GNA14: variants seen among roughly 807,000 people sequenced by gnomAD.
GNA14 encodes the protein G protein subunit alpha 14.
GNA14 carries 50 observed loss-of-function variants against 42.0 expected under a neutral mutation model. The ratio of observed to expected loss-of-function variants is 1.19; its 90% CI spans 0.95 to 1.51. The LOEUF (loss-of-function observed/expected upper bound fraction) is 1.51, where lower values mean the gene tolerates loss of function less well. Among genes scored for constraint, GNA14 ranks in the 40% most tolerant of loss-of-function variants. The probability of loss-of-function intolerance (pLI) is 0.00; values close to 1 mark genes in which losing one functional copy is unlikely to be tolerated. For synonymous variants in GNA14, 173 were observed against 163.1 expected (o/e 1.06, Z -0.46); for missense variants, 473 against 446.2 (o/e 1.06, Z -0.54).
In GNA14 at chr9:77,475,668, G is replaced by A. The variant is rs549402532; in HGVS notation, c.310-41146C>T. The stretch of plus-strand genomic sequence containing the variant: ...ACCACTCCTCTTCGTTCTTTCTAGA[G>A]CATCCTCCCAGGGAAAGATCAGGTT... On this transcript the variant is annotated intron_variant, in intron 2 of 6. Transcript: ENST00000341700. 2.4e-4 allele frequency among the ~76,000 whole-genome samples: 37 copies of A among 152,284 alleles called. No homozygotes were observed. The East Asian group carries it at 5.2e-3, about 21-fold the overall frequency.
At chr9:77,643,070 T>A (rs892750476) in intron 1 of GNA14, among the ~76,000 whole-genome samples, 1 of 152,218 alleles carries the variant, frequency 6.6e-6, no homozygotes, top group Admixed American at 6.5e-5. Flanking sequence ...ATCTTCCTCA[T>A]AACAGCTATT....
intron 2 of GNA14, among the ~76,000 whole-genome samples, chr9:77,511,655 G>A (rs1261710768): frequency 1.3e-5 from 2 of 152,206 alleles, no homozygotes; most frequent in African/African-American, 4.8e-5. Flanking sequence ...CAGACCACAC[G>A]CCCTCACAGC....
Position 77,586,975 on chromosome 9 carries a change from GGT to G in GNA14, c.125-57724_125-57723del, listed in dbSNP as rs1491100812. Reference sequence around the variant, plus strand: ...TGTCTGCAGCTCGATTTTACAGGCTGGTTTTTTTTTTTTTTTTAATAGAAAAT... The same window carrying G: ...TGTCTGCAGCTCGATTTTACAGGCTGTTTTTTTTTTTTTTTAATAGAAAAT... On this transcript the variant is annotated intron_variant, in intron 1 of 6. Transcript: ENST00000341700. Among the ~76,000 whole-genome samples, 36 of 106,072 alleles carry G rather than the reference GGT, an allele frequency of 3.4e-4. No individual in the cohort carries two copies. In the South Asian group the frequency reaches 7.3e-3, roughly 22 times the overall value. The allele number at this position is 106,072 out of a possible 152,430, so 69.6% of individuals were successfully genotyped here.
At chr9:77,563,760 A>G (rs1323166360) in intron 1 of GNA14, among the ~76,000 whole-genome samples, 1 of 152,208 alleles carries the variant, frequency 6.6e-6, no homozygotes, top group African/African-American at 2.4e-5. Context: ...AAATGGTAAC[A>G]ATGAACCCAA....
intron 2 of GNA14, among the ~76,000 whole-genome samples, chr9:77,502,762 G>A (rs1836996783): frequency 6.6e-6 from 1 of 152,164 alleles, no homozygotes; most frequent in East Asian, 1.9e-4. Context: ...GAGAGTGGGA[G>A]GCTAGACTTC....
At chr9:77,473,025 C>T (rs1426691599) in intron 2 of GNA14, among the ~76,000 whole-genome samples, 1 of 152,208 alleles carries the variant, frequency 6.6e-6, no homozygotes, top group Non-Finnish European at 1.5e-5. Flanking sequence ...TAGTAATCAA[C>T]ATTCCAAAAA....
chr9:77,572,249 G>T (rs1411226003), intron 1 of GNA14, among the ~76,000 whole-genome samples: 2 of 152,112 alleles, frequency 1.3e-5, no homozygotes, highest in African/African-American at 2.4e-5. Flanking sequence ...TCCAAGAAAA[G>T]ATCTAAGGAA....
rs966776149 is a variant in GNA14, at chr9:77,485,191, T to A, written c.309+43878A>T. On this transcript the variant is annotated intron_variant, in intron 2 of 6. Transcript: ENST00000341700. ...GCCACTATTTTATCAACTAAACTTA[T>A]ATAATACTCTAAATCTTTTGTTGTC... Among the ~76,000 whole-genome samples, 4 of 152,356 alleles carry A rather than the reference T, an allele frequency of 2.6e-5. No homozygotes were observed. In the East Asian group the frequency reaches 7.7e-4, roughly 29 times the overall value.
At chr9:77,470,936 T>C (rs563408549) in intron 2 of GNA14, among the ~76,000 whole-genome samples, 20 of 152,294 alleles carry the variant, frequency 1.3e-4, no homozygotes, top group African/African-American at 4.6e-4. Context: ...GGGGGAAATC[T>C]GCCCCCATGA....
At chr9:77,429,462 C>T (rs1027788170) in intron 4 of GNA14, among the ~76,000 whole-genome samples, 3 of 152,226 alleles carry the variant, frequency 2.0e-5, no homozygotes, top group Non-Finnish European at 4.4e-5. Context: ...GTTTTTGTGG[C>T]TCCTCTAACT....
intron 2 of GNA14, chr9:77,517,459 AAG>A (rs952650836): frequency 1.5e-4 from 23 of 152,218 alleles, no homozygotes; most frequent in African/African-American, 5.1e-4. Flanking sequence ...AGTGCCAAAA[AAG>A]AGGTATCATC....
chr9:77,503,832 A>T (rs1009158194), intron 2 of GNA14, among the ~76,000 whole-genome samples: 1 of 151,832 alleles, frequency 6.6e-6, no homozygotes, highest in Non-Finnish European at 1.5e-5. Flanking sequence ...TATTTTCACT[A>T]GAAACGGGGT....
intron 1 of GNA14, chr9:77,580,738 T>C (rs1027097423): frequency 2.7e-5 from 6 of 218,270 alleles, no homozygotes; most frequent in Admixed American, 1.1e-4. Context: ...AGGGCCACGA[T>C]GGGAGTGTGC....
chr9:77,454,302 T>C lies in GNA14; in HGVS notation c.310-19780A>G, dbSNP rs1459033800. Among the ~76,000 whole-genome samples, 8 of 152,356 alleles carry C rather than the reference T, an allele frequency of 5.3e-5. No homozygotes were observed. The East Asian group carries it at 1.5e-3, about 29-fold the overall frequency. ...GATTCTACCCCTAAACTTGTCAGTC[T>C]GATCTACTTCTGTGAACCCCCTTTG... On this transcript the variant is annotated intron_variant, in intron 2 of 6. Coordinates refer to ENST00000341700, the MANE Select transcript of GNA14 (RefSeq NM_004297.4).
intron 1 of GNA14, among the ~76,000 whole-genome samples, chr9:77,545,690 G>T (rs1837710540): frequency 6.6e-6 from 1 of 152,140 alleles, no homozygotes; most frequent in African/African-American, 2.4e-5. Context: ...CCTGGTCAGA[G>T]TGTCCAACTC....
chr9:77,597,370 C>G (rs550475958), intron 1 of GNA14, among the ~76,000 whole-genome samples: 2 of 152,004 alleles, frequency 1.3e-5, no homozygotes, highest in South Asian at 2.1e-4. Context: ...AAATGATGAA[C>G]AAATTTAGCA....
chr9:77,614,448 G>C (rs1415075660), intron 1 of GNA14, among the ~76,000 whole-genome samples: 2 of 152,028 alleles, frequency 1.3e-5, no homozygotes, highest in East Asian at 3.9e-4. Context: ...AATAAATCCT[G>C]GGGCCCCATG....
chr9:77,423,087 G>C lies in GNA14; in HGVS notation c.*892C>G, dbSNP rs1835396494. ...ACAACATAACCCAGTGCTAATAGCA[G>C]AATGGTATATTCTTAGCCTCCTCAG... On this transcript the variant is annotated 3_prime_UTR_variant, in exon 7 of 7. Coordinates refer to ENST00000341700, the MANE Select transcript of GNA14 (RefSeq NM_004297.4). 1 of 152,088 alleles carries C rather than the reference G, an allele frequency of 6.6e-6. No homozygotes were observed. The highest frequency in any genetic ancestry group is 6.6e-5 in the Admixed American group (1 of 15,262). 9.4% of individuals were successfully genotyped at this position (152,088 alleles called of 1,614,324 possible).
chr9:77,426,658 G>C (rs1835458677), intron 5 of GNA14, among the ~76,000 whole-genome samples: 1 of 152,224 alleles, frequency 6.6e-6, no homozygotes, highest in African/African-American at 2.4e-5. Context: ...GGGACCTGGG[G>C]AAGGTTGTGT....
Sources: allele counts gnomAD v4.1 joint callset (sites outside exome capture counted in the v4.1 genomes callset), GRCh38; gene constraint gnomAD v4.1.1; transcripts MANE v1.5; gene names NCBI Gene and HGNC (gene_info 2026-07-23, HGNC 2026-07-21).